FAAP20: variants seen among roughly 807,000 people sequenced by gnomAD.
The protein encoded by FAAP20 is Fanconi anemia core complex-associated protein 20.
In FAAP20, 12 loss-of-function variants were observed where a neutral mutation model predicts 16.2. The observed-to-expected ratio is 0.74, with a 90% CI of 0.48 to 1.20. The LOEUF (loss-of-function observed/expected upper bound fraction) is 1.20, where lower values mean the gene tolerates loss of function less well. Among genes scored for constraint, FAAP20 ranks in the 50% most tolerant of loss-of-function variants. The probability of loss-of-function intolerance (pLI) is 0.00; values close to 1 mark genes in which losing one functional copy is unlikely to be tolerated. For synonymous variants in FAAP20, 141 were observed against 110.7 expected (o/e 1.27, Z -1.72); for missense variants, 288 against 245.8 (o/e 1.17, Z -1.15).
intron 3 of FAAP20, chr1:2,192,034 T>C (rs995099360): frequency 2.0e-6 from 2 of 985,220 alleles, no homozygotes; most frequent in East Asian, 2.3e-4. Context: ...GCAGCTCCAC[T>C]CCCCAGACCC....
At chr1:2,195,646 C>T (rs944875496), upstream of FAAP20, among the ~76,000 whole-genome samples, 12 of 152,226 alleles carry the variant, frequency 7.9e-5, no homozygotes, top group African/African-American at 2.9e-4. Flanking sequence ...TCACCTGGCC[C>T]CTCCCAGCCC....
upstream of FAAP20, among the ~76,000 whole-genome samples, chr1:2,201,498 T>C (rs181315937): frequency 1.3e-5 from 2 of 151,958 alleles, no homozygotes; most frequent in African/African-American, 4.8e-5. Flanking sequence ...AAGGCGGGTG[T>C]ATCACCTGAG....
chr1:2,203,365 G>A, upstream of FAAP20: 1 of 968,284 alleles, frequency 1.0e-6, no homozygotes, highest in Non-Finnish European at 1.2e-6. Context: ...CCCCTCCGCA[G>A]TCAGGGCCCA....
upstream of FAAP20, chr1:2,197,962 A>C: frequency 7.9e-7 from 1 of 1,270,468 alleles, no homozygotes. Flanking sequence ...CCGGCCACTC[A>C]AGACTCTCAA....
At chr1:2,203,149 C>A (rs1379111180), upstream of FAAP20, among the ~76,000 whole-genome samples, 3 of 152,192 alleles carry the variant, frequency 2.0e-5, no homozygotes, top group East Asian at 5.8e-4. Context: ...GGTCCCGAGG[C>A]CCCAGGAAGC....
At chr1:2,210,912 G>T (rs946306179), downstream of FAAP20, among the ~76,000 whole-genome samples, 1 of 152,258 alleles carries the variant, frequency 6.6e-6, no homozygotes, top group African/African-American at 2.4e-5. Context: ...GGCGATTGCT[G>T]CGGGGGACCT....
upstream of FAAP20, among the ~76,000 whole-genome samples, chr1:2,202,579 T>G (rs1315842934): frequency 2.6e-5 from 4 of 152,142 alleles, no homozygotes; most frequent in Non-Finnish European, 5.9e-5. Flanking sequence ...TCCTCCCACT[T>G]CAGCCTCCCA....
chr1:2,207,787 C>G (rs1161694330), downstream of FAAP20: 2 of 152,442 alleles, frequency 1.3e-5, no homozygotes, highest in Non-Finnish European at 2.9e-5. Context: ...TGTCCCGGCT[C>G]CAGTGCGGCG....
chr1:2,187,280 A>AT, downstream of FAAP20: 10 of 380,482 alleles, frequency 2.6e-5, no homozygotes, highest in South Asian at 5.9e-5. Context: ...TTCTGAAGCC[A>AT]TTTTCTTTTT....
chr1:2,196,295 C>T (rs946887142), upstream of FAAP20, among the ~76,000 whole-genome samples: 2 of 152,234 alleles, frequency 1.3e-5, no homozygotes, highest in Non-Finnish European at 2.9e-5. This position sits in a 1 kb window ranked among gnomAD's most constrained non-coding sequence, Gnocchi z 4.5. Context: ...GGCCCAGCAG[C>T]CCATGCCTGC....
downstream of FAAP20, chr1:2,187,285 CTT>C: frequency 2.4e-5 from 8 of 327,468 alleles, no homozygotes; most frequent in East Asian, 9.9e-5. Flanking sequence ...AAGCCATTTT[CTT>C]TTTTTTTTTC....
At chr1:2,189,157 C>T (rs1201300408), downstream of FAAP20, among the ~76,000 whole-genome samples, 10 of 151,854 alleles carry the variant, frequency 6.6e-5, no homozygotes, top group African/African-American at 2.2e-4. Context: ...TGGCAAGACC[C>T]CTCCATCTGT....
At chr1:2,184,781 A>G (rs1024492742), downstream of FAAP20, 27 of 1,445,886 alleles carry the variant, frequency 1.9e-5, no homozygotes, top group Non-Finnish European at 2.1e-5. Context: ...CTGGTGACCC[A>G]GCCTGCCCTT....
upstream of FAAP20, among the ~76,000 whole-genome samples, chr1:2,197,447 C>T (rs1688870637): frequency 6.6e-6 from 1 of 152,222 alleles, no homozygotes; most frequent in Non-Finnish European, 1.5e-5. Context: ...CTGCGGGTGC[C>T]CCAAGGGTAG....
downstream of FAAP20, among the ~76,000 whole-genome samples, chr1:2,187,967 C>CT (rs1687767256): frequency 6.6e-6 from 1 of 152,230 alleles, no homozygotes; most frequent in Non-Finnish European, 1.5e-5. Context: ...ACGGTGTTGC[C>CT]TTTTCCAGAA....
downstream of FAAP20, chr1:2,185,990 C>G (rs1293579060): frequency 5.1e-6 from 2 of 393,282 alleles, no homozygotes; most frequent in East Asian, 7.7e-5. Flanking sequence ...CACCCGCGCT[C>G]TCCGTCCACC....
intron 3 of FAAP20, chr1:2,190,641 C>T (rs1028718458): frequency 5.2e-5 from 18 of 346,778 alleles, no homozygotes; most frequent in Non-Finnish European, 2.9e-5. Context: ...CTGCCGGGGA[C>T]GATGTCCCGG....
At chr1:2,199,568 C>G, upstream of FAAP20, 3 of 985,914 alleles carry the variant, frequency 3.0e-6, no homozygotes, top group Non-Finnish European at 3.6e-6. This position sits in a 1 kb window ranked among gnomAD's most constrained non-coding sequence, Gnocchi z 4.5. Flanking sequence ...GAGTGGAGAC[C>G]TCTCAGGGCA....
chr1:2,193,035 C>G, intron 3 of FAAP20: 1 of 1,295,554 alleles, frequency 7.7e-7, no homozygotes, highest in Non-Finnish European at 1.0e-6. Flanking sequence ...GCTCTGAAAC[C>G]TGCCGCCCAT....
Sources: gnomAD v4.1 joint callset for allele counts (sites outside exome capture counted in the v4.1 genomes callset) on GRCh38, gnomAD v4.1.1 for gene constraint, Gnocchi (gnomAD v3.1) non-coding constraint, MANE v1.5 for transcripts, NCBI Gene and HGNC (gene_info 2026-07-23, HGNC 2026-07-21) for gene names.